The following LRRC1 variants were observed in gnomAD, a reference collection of about 807,000 sequenced individuals.
LRRC1 encodes the protein leucine-rich repeat-containing protein 1.
A neutral mutation model predicts 69.9 loss-of-function variants in LRRC1; 28 were observed. The observed-to-expected ratio is 0.40, with a 90% CI of 0.30 to 0.55. LRRC1 has a LOEUF of 0.55. Among genes scored for constraint, LRRC1 ranks in the 20% least tolerant of loss-of-function variants. The probability of loss-of-function intolerance (pLI) is 0.47; values close to 1 mark genes in which losing one functional copy is unlikely to be tolerated. For missense variants in LRRC1, 498 were observed against 609.0 expected, an observed-to-expected ratio of 0.82 and a Z score of 1.92; for synonymous variants, 236 against 240.2, an observed-to-expected ratio of 0.98 and a Z score of 0.16.
chr6:53,872,929 G>C (rs1766942172), intron 2 of LRRC1, among the ~76,000 whole-genome samples: 1 of 151,612 alleles, frequency 6.6e-6, no homozygotes, highest in South Asian at 2.1e-4. Context: ...GCTAATTTTT[G>C]TATTTTTAGT....
intron 8 of LRRC1, among the ~76,000 whole-genome samples, chr6:53,902,141 A>G (rs970016790): frequency 1.3e-5 from 2 of 152,208 alleles, no homozygotes; most frequent in African/African-American, 4.8e-5. Context: ...TGAGTGAAAT[A>G]GACTCCATCC....
chr6:53,877,419 A>C (rs1767110234), intron 2 of LRRC1, among the ~76,000 whole-genome samples: 1 of 152,186 alleles, frequency 6.6e-6, no homozygotes, highest in East Asian at 1.9e-4. Flanking sequence ...TACTTATGCA[A>C]GTTTCTTCAG....
intron 13 of LRRC1, 62 bp downstream of exon 13, chr6:53,920,823 C>T (rs1768717851): frequency 1.3e-6 from 2 of 1,553,638 alleles, no homozygotes; most frequent in Non-Finnish European, 1.8e-6. Context: ...AGAATGGCAC[C>T]TAATAAGGAT....
intron 4 of LRRC1, among the ~76,000 whole-genome samples, chr6:53,885,457 A>G (rs534039254): frequency 2.0e-5 from 3 of 152,224 alleles, no homozygotes; most frequent in Admixed American, 2.0e-4. Context: ...TTAATATTCC[A>G]CAAAATTTGA....
intron 4 of LRRC1, among the ~76,000 whole-genome samples, chr6:53,890,470 T>A (rs536772088): frequency 1.8e-4 from 27 of 152,164 alleles, no homozygotes; most frequent in African/African-American, 6.5e-4. Flanking sequence ...TAATTTTGAG[T>A]GAGCTTGAAC....
intron 8 of LRRC1, 141 bp downstream of exon 8, chr6:53,900,032 T>TGTTTGTTTG (rs1562066445): frequency 4.1e-6 from 1 of 241,648 alleles, no homozygotes; most frequent in African/African-American, 6.3e-5. Context: ...TTTTTTTTTT[T>TGTTTGTTTG]TTTTTTTTTT....
Position 53,883,732 on chromosome 6 carries a change from C to T in LRRC1, c.446+756C>T, listed in dbSNP as rs74505790. Reference sequence around the variant, plus strand: ...TAAAAATAAAAGTCTGACTTGTCTACCCTAACCTGGTAGACCAGTGTTCCC... The same window carrying T: ...TAAAAATAAAAGTCTGACTTGTCTATCCTAACCTGGTAGACCAGTGTTCCC... On this transcript the variant is annotated intron_variant, in intron 4 of 13. Transcript: ENST00000370888. Among the ~76,000 whole-genome samples the T allele has an allele frequency of 2.0e-3, 301 of 152,274 alleles. 4 individuals carry two copies. In the East Asian group the frequency reaches 0.041, roughly 21 times the overall value.
intron 1 of LRRC1, among the ~76,000 whole-genome samples, chr6:53,821,937 G>T (rs1581853459): frequency 6.6e-6 from 1 of 150,454 alleles, no homozygotes; most frequent in African/African-American, 2.5e-5. Flanking sequence ...AGTGTGGTGA[G>T]GTTGTTATGT....
At chr6:53,897,133 C>T in intron 6 of LRRC1, 152 bp from the exon 7 acceptor site, 1 of 649,706 alleles carries the variant, frequency 1.5e-6, no homozygotes, top group South Asian at 2.0e-5. Flanking sequence ...AGTTTGGGCA[C>T]TTTGAGGAAA....
intron 1 of LRRC1, among the ~76,000 whole-genome samples, chr6:53,813,950 A>C (rs1764875490): frequency 6.6e-6 from 1 of 152,202 alleles, no homozygotes. Context: ...ATTGTGTTGG[A>C]AATTTTGCTA....
chr6:53,887,126 C>T (rs962578566), intron 4 of LRRC1, among the ~76,000 whole-genome samples: 5 of 152,020 alleles, frequency 3.3e-5, no homozygotes, highest in African/African-American at 1.2e-4. Context: ...TGCATTGTCA[C>T]TTTTTTGGCC....
rs182380730 is a variant in LRRC1, at chr6:53,859,281, T to C, written c.277+17054T>C. 2.7e-4 allele frequency among the ~76,000 whole-genome samples: 41 copies of C among 152,342 alleles called. No individual in the cohort carries two copies. The East Asian group carries it at 7.3e-3, about 27-fold the overall frequency. Reference sequence around the variant, plus strand: ...GCCTGTTTTCCTTCACTTCGAGCAGTTGTTTCTCCCAAGTGGGCTCTGGAA... The same window carrying C: ...GCCTGTTTTCCTTCACTTCGAGCAGCTGTTTCTCCCAAGTGGGCTCTGGAA... On this transcript the variant is annotated intron_variant, in intron 2 of 13. Coordinates refer to ENST00000370888, the MANE Select transcript of LRRC1 (RefSeq NM_018214.5).
At position 53,894,815 on chromosome 6, in the gene LRRC1, G is replaced by A. The variant is rs149699668; in HGVS notation, c.447-1683G>A. ...CCCTTCCCTTTGTTGTTTCTTCTAC[G>A]TAAACACTTGGTCAAGAGAAAGTAG... On this transcript the variant is annotated intron_variant, in intron 4 of 13. Transcript: ENST00000370888. Among the ~76,000 whole-genome samples the A allele has an allele frequency of 7.8e-4, 119 of 152,138 alleles. 2 individuals carry two copies. The highest frequency in any genetic ancestry group is 2.2e-3 in the African/African-American group (91 of 41,510).
At chr6:53,921,241 T>A (rs1349589509) in intron 13 of LRRC1, among the ~76,000 whole-genome samples, 1 of 152,242 alleles carries the variant, frequency 6.6e-6, no homozygotes, top group Non-Finnish European at 1.5e-5. Flanking sequence ...GTGCTGGGAC[T>A]ACAGGCATGA....
chr6:53,808,911 G>A (rs1208405429), intron 1 of LRRC1, among the ~76,000 whole-genome samples: 1 of 152,114 alleles, frequency 6.6e-6, no homozygotes, highest in African/African-American at 2.4e-5. Flanking sequence ...AAGGAAAGGG[G>A]TCACTAAATA....
intron 2 of LRRC1, among the ~76,000 whole-genome samples, chr6:53,856,877 G>A (rs1766326476): frequency 6.6e-6 from 1 of 152,164 alleles, no homozygotes; most frequent in African/African-American, 2.4e-5. Context: ...GGGATCAGTA[G>A]AAGAGAAGAT....
At chr6:53,835,328 A>G (rs952799667) in intron 1 of LRRC1, among the ~76,000 whole-genome samples, 1 of 152,120 alleles carries the variant, frequency 6.6e-6, no homozygotes, top group African/African-American at 2.4e-5. Context: ...CAGGATTTTC[A>G]TTTTTCTTTT....
At position 53,897,321 on chromosome 6, in the gene LRRC1, C is replaced by G. The variant is rs752539676; in HGVS notation, c.604C>G (p.Leu202Val). ...SIGALLHLKD[L>V]WLDGNQLSEL... ...TGGAGCCCTCTTACATCTAAAAGATCTCTGGTTGGATGGAAATCAACTGTC... is the reference window on the plus strand; with the variant it reads ...TGGAGCCCTCTTACATCTAAAAGATGTCTGGTTGGATGGAAATCAACTGTC... Residue 202 changes from leucine (L) to valine (V), a missense_variant, in exon 7 of 14, where the codon CTC (leucine) becomes GTC (valine). Physicochemically the swap from Leu to Val is conservative, Grantham distance 32. Transcript: ENST00000370888. The G allele has an allele frequency of 6.2e-7, 1 of 1,612,744 alleles. No individual in the cohort carries two copies. Among genetic ancestry groups the G allele is most frequent in the African/African-American group, 1.3e-5 (1 of 74,888 alleles).
chr6:53,862,376 T>C (rs1217642877), intron 2 of LRRC1, among the ~76,000 whole-genome samples: 2 of 151,892 alleles, frequency 1.3e-5, no homozygotes, highest in African/African-American at 2.4e-5. Flanking sequence ...AGTGCCAAAC[T>C]GTCCACATTT....
Sources: gnomAD v4.1 joint callset for allele counts (sites outside exome capture counted in the v4.1 genomes callset) on GRCh38, gnomAD v4.1.1 for gene constraint, MANE v1.5 for transcripts, NCBI Gene and HGNC (gene_info 2026-07-23, HGNC 2026-07-21) for gene names.